The following SCARB1 variants were observed in gnomAD, a reference collection of about 807,000 sequenced individuals.
SCARB1 encodes scavenger receptor class B member 1.
SCARB1 carries 30 observed loss-of-function variants against 57.2 expected under a neutral mutation model. The observed-to-expected ratio is 0.52, with a 90% CI of 0.39 to 0.71. The LOEUF is 0.71. Ranked by LOEUF, SCARB1 falls within the 30% of genes least tolerant of loss-of-function variation. The pLI is 0.00. For missense variants in SCARB1, 543 were observed against 671.2 expected (o/e 0.81, Z 2.11); for synonymous variants, 249 against 268.3 (o/e 0.93, Z 0.70).
rs201717369 is a variant in SCARB1, at chr12:124,863,555, C to T, written c.126+40G>A. 973 of 1,588,168 alleles carry T rather than the reference C, an allele frequency of 6.1e-4. 10 individuals carry two copies. In the African/African-American group the frequency reaches 0.012, roughly 19 times the overall value. On this transcript the variant is annotated intron_variant, in intron 1 of 12. Transcript: ENST00000261693. ...TCCCGGCGCCCAGCGCCCAACAGCC[C>T]GGGTCCGTGCGCGGACCCCCTGGGG...
rs142894757 is a variant in SCARB1 at position 124,837,553 on chromosome 12, G to A, written c.127-19846C>T. Among the ~76,000 whole-genome samples, 67 of 14,072 alleles carry A rather than the reference G, an allele frequency of 4.8e-3. 3 individuals carry two copies. Among genetic ancestry groups the A allele is most frequent in the African/African-American group, 0.012 (65 of 5,308 alleles). The allele number at this position is 14,072 out of a possible 152,430, so 9.2% of individuals were successfully genotyped here. The stretch of plus-strand genomic sequence containing the variant: ...GAAAAAGAAAGAAAAGAAAAGAAAA[G>A]AAAAGAAAAGAAAAGAAAAGAAAAG... On this transcript the variant is annotated intron_variant, in intron 1 of 12. Coordinates refer to ENST00000261693, the MANE Select transcript of SCARB1 (RefSeq NM_005505.5).
intron 11 of SCARB1, chr12:124,784,077 G>A (rs566028000): frequency 6.6e-6 from 1 of 152,420 alleles, no homozygotes; most frequent in Non-Finnish European, 1.5e-5. Context: ...GGAGACAGAG[G>A]GATGAGGCTG....
At chr12:124,845,736 G>A (rs1378081892) in intron 1 of SCARB1, among the ~76,000 whole-genome samples, 3 of 149,154 alleles carry the variant, frequency 2.0e-5, no homozygotes, top group South Asian at 2.1e-4. Context: ...GGCCGGGCAC[G>A]GTGGCTCAGG....
At chr12:124,829,860 A>G (rs1203089848) in intron 1 of SCARB1, among the ~76,000 whole-genome samples, 1 of 152,164 alleles carries the variant, frequency 6.6e-6, no homozygotes, top group Admixed American at 6.5e-5. Context: ...CCCTTCCCCC[A>G]TCACATTATA....
chr12:124,861,477 TA>T (rs66926773), intron 1 of SCARB1, among the ~76,000 whole-genome samples: 44,016 of 150,602 alleles, frequency 0.29, 7,080 homozygotes, highest in Non-Finnish European at 0.36. Context: ...AAAAGCACAT[TA>T]AAAAAAAAAA....
chr12:124,839,169 A>G (rs1282622376), intron 1 of SCARB1: 1 of 442,192 alleles, frequency 2.3e-6, no homozygotes, highest in African/African-American at 2.0e-5. Context: ...GAACTCTTTC[A>G]TCTTGCAAAA....
In SCARB1 at chr12:124,811,874, C is replaced by G. The variant is rs1329368236; in HGVS notation, c.722G>C (p.Ser241Thr). 1 of 1,610,896 alleles carries G rather than the reference C, an allele frequency of 6.2e-7. No homozygotes were observed. Among genetic ancestry groups the G allele is most frequent in the Admixed American group, 1.7e-5 (1 of 59,860 alleles). The change falls in exon 5 of 13, where the codon AGC (serine) becomes ACC (threonine). Residue 241 changes from serine to threonine, a missense_variant. Transcript: ENST00000261693. Reference sequence around the variant, plus strand: ...CCCTCGCCTCTCGCCCCTCACCTTGCTCAGCCCGTTCCACTTGTCCACGAG... The same window carrying G: ...CCCTCGCCTCTCGCCCCTCACCTTGGTCAGCCCGTTCCACTTGTCCACGAG... ...IHLVDKWNGL[S>T]KVDFWHSDQC...
chr12:124,854,222 G>A (rs1952541036), intron 1 of SCARB1, among the ~76,000 whole-genome samples: 1 of 152,256 alleles, frequency 6.6e-6, no homozygotes, highest in South Asian at 2.1e-4. Context: ...CCGTGAGCAA[G>A]TGAGAGCTGA....
chr12:124,851,508 T>A (rs1952398963), intron 1 of SCARB1, among the ~76,000 whole-genome samples: 3 of 151,980 alleles, frequency 2.0e-5, no homozygotes, highest in African/African-American at 7.3e-5. Flanking sequence ...ACCTCCACAT[T>A]CCTGCACGGA....
rs1218095559 is a variant in SCARB1, at chr12:124,796,254, TTATC to T, written c.1129-990_1129-987del. Reference sequence around the variant, plus strand: ...GCGTGAGCCACCACACCCAGCCTATTTATCATTATTATTTTTGTAGAGACAGAGT... The same window carrying T: ...GCGTGAGCCACCACACCCAGCCTATTATTATTATTTTTGTAGAGACAGAGT... On this transcript the variant is annotated intron_variant, in intron 8 of 12. Transcript: ENST00000261693. The surrounding 1 kb of genome is among the most constrained non-coding windows in gnomAD (Gnocchi z 4.0). 6.6e-6 allele frequency among the ~76,000 whole-genome samples: 1 copy of T among 152,072 alleles called. No individual in the cohort carries two copies. The highest frequency in any genetic ancestry group is 1.5e-5 in the Non-Finnish European group (1 of 68,010).
chr12:124,813,740 G>A (rs1039384541), intron 4 of SCARB1, among the ~76,000 whole-genome samples: 1 of 152,114 alleles, frequency 6.6e-6, no homozygotes, highest in African/African-American at 2.4e-5. Context: ...CAAAGAGATG[G>A]CTGAGGCTGG....
chr12:124,804,390 G>A (rs1218884252), intron 7 of SCARB1, among the ~76,000 whole-genome samples: 1 of 152,250 alleles, frequency 6.6e-6, no homozygotes, highest in Non-Finnish European at 1.5e-5. Flanking sequence ...GGCAGAGGCA[G>A]CTTCCAGACA....
intron 1 of SCARB1, among the ~76,000 whole-genome samples, chr12:124,834,559 T>A (rs1017195952): frequency 2.0e-5 from 3 of 152,224 alleles, no homozygotes; most frequent in Non-Finnish European, 4.4e-5. Flanking sequence ...GATTTTCTTT[T>A]GCTTTATCAT....
chr12:124,815,126 G>A lies in SCARB1; in HGVS notation c.285-12C>T. ...TGTGCCTGAACTCCCTGTGGGGGAA[G>A]CCAGTGGGTCAGACGCCCCGCCCCG... On this transcript the variant is annotated splice_polypyrimidine_tract_variant and intron_variant, in intron 2 of 12. Transcript: ENST00000261693. 2 of 1,612,704 alleles carry A rather than the reference G, an allele frequency of 1.2e-6. No homozygotes were observed. The highest frequency in any genetic ancestry group is 1.7e-6 in the Non-Finnish European group (2 of 1,179,946).
intron 12 of SCARB1, among the ~76,000 whole-genome samples, chr12:124,780,918 G>C (rs1873332127): frequency 6.6e-6 from 1 of 152,204 alleles, no homozygotes; most frequent in African/African-American, 2.4e-5. Flanking sequence ...CTGCAGAAGG[G>C]AGCAGTGGCT....
At chr12:124,840,199 T>A (rs1303665161) in intron 1 of SCARB1, among the ~76,000 whole-genome samples, 1 of 151,460 alleles carries the variant, frequency 6.6e-6, no homozygotes, top group Non-Finnish European at 1.5e-5. Flanking sequence ...TTTTTTTTTT[T>A]AAGACAGAGT....
chr12:124,781,548 C>T (rs907510717), intron 12 of SCARB1, among the ~76,000 whole-genome samples: 3 of 152,166 alleles, frequency 2.0e-5, no homozygotes, highest in Non-Finnish European at 2.9e-5. Context: ...CCTACAGGAA[C>T]CTGGCCAAGG....
In SCARB1 at chr12:124,787,595, G is replaced by A. The variant is rs573706452; in HGVS notation, c.1203-138C>T. 483 of 734,208 alleles carry A rather than the reference G, an allele frequency of 6.6e-4. 5 individuals carry two copies. The highest frequency in any genetic ancestry group is 4.4e-3 in the Middle Eastern group (19 of 4,308). The allele number at this position is 734,208 out of a possible 1,614,324, so 45.5% of individuals were successfully genotyped here. A position where few individuals can be genotyped will look rare whatever the true frequency, so the allele number is the denominator to read the frequency against. ...ACCCTCACCACCAAATATAAACAAT[G>A]AGCTGAAACACTTTAGGAGCCATAT... On this transcript the variant is annotated intron_variant, in intron 9 of 12. Transcript: ENST00000261693.
At chr12:124,821,471 G>A in intron 1 of SCARB1, 1 of 982,944 alleles carries the variant, frequency 1.0e-6, no homozygotes, top group Non-Finnish European at 1.2e-6. Context: ...GCGTGTCCAT[G>A]TCTCAATCTC....
Sources: gnomAD v4.1 joint callset for allele counts (sites outside exome capture counted in the v4.1 genomes callset) on GRCh38, gnomAD v4.1.1 for gene constraint, Gnocchi (gnomAD v3.1) non-coding constraint, MANE v1.5 for transcripts, NCBI Gene and HGNC (gene_info 2026-07-23, HGNC 2026-07-21) for gene names.